CEMIP2: variants seen among roughly 807,000 people sequenced by gnomAD.
CEMIP2 encodes cell surface hyaluronidase CEMIP2.
CEMIP2 carries 79 observed loss-of-function variants against 146.9 expected under a neutral mutation model. The ratio of observed to expected loss-of-function variants is 0.54; its 90% CI spans 0.45 to 0.65. The LOEUF (loss-of-function observed/expected upper bound fraction) is 0.65. Among genes scored for constraint, CEMIP2 ranks in the 30% least tolerant of loss-of-function variants. The pLI is 0.00. For synonymous variants in CEMIP2, 601 were observed against 606.3 expected (o/e 0.99, Z 0.13); for missense variants, 1,596 against 1,696.2 (o/e 0.94, Z 1.04).
intron 1 of CEMIP2, among the ~76,000 whole-genome samples, chr9:71,755,984 A>C (rs1453083457): frequency 6.7e-6 from 1 of 149,026 alleles, no homozygotes; most frequent in South Asian, 2.2e-4. Context: ...AAAAAAAAAA[A>C]AAAAAACCTC....
At chr9:71,767,997 G>T (rs758069227) in intron 1 of CEMIP2, among the ~76,000 whole-genome samples, 1 of 152,168 alleles carries the variant, frequency 6.6e-6, no homozygotes, top group Non-Finnish European at 1.5e-5. Flanking sequence ...AAAGTTTAAG[G>T]CTGTTCGCAC....
intron 11 of CEMIP2, 57 bp from the exon 12 acceptor site, chr9:71,722,572 A>C: frequency 3.8e-6 from 5 of 1,329,142 alleles, no homozygotes; most frequent in Non-Finnish European, 5.3e-6. Flanking sequence ...ACAACAACAT[A>C]TACAATGATT....
At chr9:71,728,231 C>CTCTATATATATATATACGTATATACACG (rs1554684626) in intron 10 of CEMIP2, among the ~76,000 whole-genome samples, 3 of 14,778 alleles carry the variant, frequency 2.0e-4, no homozygotes, top group Non-Finnish European at 3.8e-4. Context: ...CTCTCTCTCT[C>CTCTATATATATATATACGTATATACACG]TATATATATA....
At chr9:71,740,467 C>T (rs1290181687) in intron 4 of CEMIP2, among the ~76,000 whole-genome samples, 3 of 152,162 alleles carry the variant, frequency 2.0e-5, no homozygotes, top group African/African-American at 7.2e-5. Context: ...GGTGAAAGAC[C>T]GATGACTACA....
chr9:71,738,577 C>T (rs960312220), intron 5 of CEMIP2, among the ~76,000 whole-genome samples: 5 of 151,740 alleles, frequency 3.3e-5, no homozygotes, highest in Admixed American at 2.0e-4. Flanking sequence ...TGGTGGCTCA[C>T]GCCTGTAATC....
chr9:71,720,529 T>C (rs1823204412), intron 12 of CEMIP2, among the ~76,000 whole-genome samples: 2 of 152,190 alleles, frequency 1.3e-5, no homozygotes, highest in South Asian at 4.1e-4. Flanking sequence ...TGATCTCAGG[T>C]GATCCACCCG....
At chr9:71,696,366 T>A (rs577698213) in intron 20 of CEMIP2, among the ~76,000 whole-genome samples, 1 of 152,258 alleles carries the variant, frequency 6.6e-6, no homozygotes, top group Non-Finnish European at 1.5e-5. Flanking sequence ...AGGGTTGTTT[T>A]TGTTGTTGTT....
intron 21 of CEMIP2, among the ~76,000 whole-genome samples, chr9:71,691,420 G>GAAAAAAAAAAAAAA (rs148544899): frequency 7.9e-6 from 1 of 127,000 alleles, no homozygotes. Flanking sequence ...TCTGTCTCAG[G>GAAAAAAAAAAAAAA]AAAAAAAAAA....
chr9:71,734,375 G>GA (rs1259285890), intron 6 of CEMIP2, among the ~76,000 whole-genome samples: 2 of 152,128 alleles, frequency 1.3e-5, no homozygotes, highest in Non-Finnish European at 2.9e-5. Context: ...CAGCGGGAGG[G>GA]AAAGCATCAG....
intron 21 of CEMIP2, among the ~76,000 whole-genome samples, chr9:71,691,747 G>T (rs761754527): frequency 1.2e-4 from 18 of 151,928 alleles, no homozygotes; most frequent in Non-Finnish European, 2.4e-4. Flanking sequence ...GAGGTAGAAG[G>T]GTCACCTGAG....
intron 17 of CEMIP2, among the ~76,000 whole-genome samples, chr9:71,706,505 C>G (rs998575107): frequency 2.0e-5 from 3 of 152,126 alleles, no homozygotes; most frequent in Non-Finnish European, 2.9e-5. Flanking sequence ...AATTACTACT[C>G]TGATTTGTAA....
intron 4 of CEMIP2, among the ~76,000 whole-genome samples, chr9:71,742,445 T>C (rs568232402): frequency 1.3e-5 from 2 of 152,250 alleles, no homozygotes; most frequent in South Asian, 4.1e-4. Context: ...CTCCTCCACT[T>C]GAGGGAAAAT....
chr9:71,715,204 T>C (rs1392882840), intron 14 of CEMIP2, 115 bp from the exon 15 acceptor site: 5 of 1,153,288 alleles, frequency 4.3e-6, no homozygotes, highest in Non-Finnish European at 6.0e-6. Flanking sequence ...TCAATAGCTT[T>C]TCTAATACAC....
intron 2 of CEMIP2, among the ~76,000 whole-genome samples, chr9:71,748,364 A>T (rs906331721): frequency 3.9e-5 from 6 of 152,220 alleles, no homozygotes; most frequent in Non-Finnish European, 7.3e-5. Flanking sequence ...TATCAAAGTT[A>T]TGTAACAGCA....
At chr9:71,734,208 G>GGTTTTTTTTTTTTTTTTTTTTT (rs374206725) in intron 6 of CEMIP2, among the ~76,000 whole-genome samples, 2 of 144,136 alleles carry the variant, frequency 1.4e-5, no homozygotes, top group African/African-American at 2.5e-5. Context: ...ATGAGTTTTT[G>GGTTTTTTTTTTTTTTTTTTTTT]TTTTTGTTTT....
Position 71,728,302 on chromosome 9 carries a change from CAT to C in CEMIP2, c.2049+1541_2049+1542del, listed in dbSNP as rs1491360011. Among the ~76,000 whole-genome samples the C allele has an allele frequency of 3.7e-3, 43 of 11,572 alleles. 5 individuals are homozygous for C. Among genetic ancestry groups the C allele is most frequent in the Admixed American group, 0.01 (6 of 574 alleles). 7.6% of individuals were successfully genotyped at this position (11,572 alleles called of 152,430 possible). A position where few individuals can be genotyped will look rare whatever the true frequency, so the allele number is the denominator to read the frequency against. On this transcript the variant is annotated intron_variant, in intron 10 of 23. Coordinates refer to ENST00000377044, the MANE Select transcript of CEMIP2 (RefSeq NM_013390.3). ...ATATGTATATATATATATATATATA[CAT>C]ATATATATATATACGTATATATATA...
chr9:71,723,834 C>T (rs998303367), intron 11 of CEMIP2, among the ~76,000 whole-genome samples: 2 of 152,054 alleles, frequency 1.3e-5, no homozygotes, highest in African/African-American at 2.4e-5. Context: ...TGAGTTATTC[C>T]AAAATGACAT....
intron 1 of CEMIP2, among the ~76,000 whole-genome samples, chr9:71,757,372 A>G (rs1344633821): frequency 6.6e-6 from 1 of 152,226 alleles, no homozygotes; most frequent in Non-Finnish European, 1.5e-5. Flanking sequence ...GATCAAGGAC[A>G]TAATTTTTTA....
At position 71,745,330 on chromosome 9, in the gene CEMIP2, G is replaced by T. The variant is rs765559880; in HGVS notation, c.722C>A (p.Thr241Lys). 1.2e-6 allele frequency: 2 copies of T among 1,613,308 alleles called. No individual in the cohort carries two copies. The highest frequency in any genetic ancestry group is 2.7e-5 in the African/African-American group (2 of 74,868). ...GGAATTCAGGGTCCTTGCCAACAACGTCCACGATGCCTTCCGTGCCCCATG... is the reference window on the plus strand; with the variant it reads ...GGAATTCAGGGTCCTTGCCAACAACTTCCACGATGCCTTCCGTGCCCCATG... Reference protein sequence around the residue: ...ELHGARKASWTLLARTLNSSG... With the variant: ...ELHGARKASWKLLARTLNSSG... Residue 241 changes from threonine (T) to lysine (K), a missense_variant, in exon 4 of 24, where the codon ACG (threonine) becomes AAG (lysine). Physicochemically the swap from Thr to Lys is moderately conservative, Grantham distance 78. Transcript: ENST00000377044.
Sources: gnomAD v4.1 joint callset for allele counts (sites outside exome capture counted in the v4.1 genomes callset) on GRCh38, gnomAD v4.1.1 for gene constraint, MANE v1.5 for transcripts, NCBI Gene and HGNC (gene_info 2026-07-23, HGNC 2026-07-21) for gene names.